Variants in AGBL4 observed in about 807,000 individuals in gnomAD.
AGBL4 encodes the protein AGBL carboxypeptidase 4.
AGBL4 carries 58 observed loss-of-function variants against 66.4 expected under a neutral mutation model. The ratio of observed to expected loss-of-function variants is 0.87; its 90% CI spans 0.71 to 1.09. AGBL4 has a LOEUF of 1.09. Among genes scored for constraint, AGBL4 ranks in the 50% least tolerant of loss-of-function variants. The pLI, the probability that AGBL4 is intolerant of heterozygous loss-of-function variation, is 0.00. For missense variants in AGBL4, 579 were observed against 631.0 expected (o/e 0.92, Z 0.88); for synonymous variants, 234 against 222.9 (o/e 1.05, Z -0.44).
At chr1:49,334,611 G>A (rs563702551) in intron 3 of AGBL4, among the ~76,000 whole-genome samples, 266 of 152,202 alleles carry the variant, frequency 1.7e-3, no homozygotes, top group Non-Finnish European at 3.2e-3. Flanking sequence ...AATGAAGATC[G>A]TATGGTCAGA....
chr1:49,844,766 T>C (rs1193434970), intron 2 of AGBL4: 3 of 1,589,068 alleles, frequency 1.9e-6, no homozygotes, highest in Admixed American at 3.3e-5. Context: ...AACAATGTCA[T>C]CTTGGTAGAA....
chr1:49,169,248 C>G (rs997907705), intron 4 of AGBL4, among the ~76,000 whole-genome samples: 1 of 152,182 alleles, frequency 6.6e-6, no homozygotes, highest in African/African-American at 2.4e-5. Flanking sequence ...TCAGCTGTAG[C>G]ACAGTACTTA....
chr1:49,223,010 C>G (rs1649621460), intron 4 of AGBL4, among the ~76,000 whole-genome samples: 1 of 151,856 alleles, frequency 6.6e-6, no homozygotes, highest in African/African-American at 2.4e-5. Context: ...TGTGGAGAGC[C>G]TTTTAATAGT....
intron 11 of AGBL4, among the ~76,000 whole-genome samples, chr1:48,581,143 A>G (rs775261341): frequency 4.7e-4 from 71 of 152,046 alleles, no homozygotes; most frequent in Admixed American, 9.2e-4. Context: ...GAAAGCAGAG[A>G]CCAAGCTTTT....
At chr1:49,206,487 T>C (rs1279574850) in intron 4 of AGBL4, among the ~76,000 whole-genome samples, 4 of 152,110 alleles carry the variant, frequency 2.6e-5, no homozygotes, top group Non-Finnish European at 5.9e-5. Flanking sequence ...ATAAAAACTG[T>C]CTTTTCAGTT....
At chr1:48,728,104 A>G in intron 6 of AGBL4, 1 of 1,479,052 alleles carries the variant, frequency 6.8e-7, no homozygotes, top group Non-Finnish European at 9.1e-7. Context: ...AAATCTTTTA[A>G]GGAGGGTAAA....
At chr1:48,548,530 A>T (rs1449278587) in intron 11 of AGBL4, among the ~76,000 whole-genome samples, 2 of 151,830 alleles carry the variant, frequency 1.3e-5, no homozygotes, top group African/African-American at 2.4e-5. Context: ...GGTCCTCTTC[A>T]CCTCCCAGAG....
At chr1:49,317,133 G>C (rs1276739713) in intron 3 of AGBL4, among the ~76,000 whole-genome samples, 1 of 151,668 alleles carries the variant, frequency 6.6e-6, no homozygotes, top group African/African-American at 2.4e-5. Flanking sequence ...TGTTAACTTT[G>C]TTTATGTATT....
At chr1:49,052,064 A>C (rs1644225456) in intron 4 of AGBL4, among the ~76,000 whole-genome samples, 1 of 137,582 alleles carries the variant, frequency 7.3e-6, no homozygotes, top group Admixed American at 8.2e-5. Context: ...TTCAGAGTTT[A>C]TATTATATGT....
At chr1:49,308,698 A>G (rs1005965856) in intron 3 of AGBL4, among the ~76,000 whole-genome samples, 1 of 152,108 alleles carries the variant, frequency 6.6e-6, no homozygotes, top group African/African-American at 2.4e-5. Context: ...ACACTTAGGG[A>G]TTAGGGACAA....
intron 3 of AGBL4, among the ~76,000 whole-genome samples, chr1:49,682,786 C>T (rs1293680515): frequency 2.0e-5 from 3 of 152,170 alleles, no homozygotes; most frequent in Admixed American, 1.3e-4. Context: ...TCATTTTTCA[C>T]TGGGCTTCGC....
chr1:49,657,061 C>T lies in AGBL4; in HGVS notation c.282+40252G>A, dbSNP rs550135174. 1.3e-3 allele frequency among the ~76,000 whole-genome samples: 203 copies of T among 152,268 alleles called. 1 individual carries two copies. Among genetic ancestry groups the T allele is most frequent in the Non-Finnish European group, 2.8e-4 (19 of 68,024 alleles). On this transcript the variant is annotated intron_variant, in intron 3 of 13. Coordinates refer to ENST00000371839, the MANE Select transcript of AGBL4 (RefSeq NM_032785.4). ...GTATTCAATTAGGAAAAGAGGAAGTCAAATTGTCCCTCTTTGCAGATGACA... is the reference window on the plus strand; with the variant it reads ...GTATTCAATTAGGAAAAGAGGAAGTTAAATTGTCCCTCTTTGCAGATGACA...
At chr1:49,548,315 T>C (rs1220119320) in intron 3 of AGBL4, among the ~76,000 whole-genome samples, 1 of 152,206 alleles carries the variant, frequency 6.6e-6, no homozygotes, top group African/African-American at 2.4e-5. Context: ...GTCTGATTGC[T>C]CTGGCTAGGA....
At chr1:48,812,323 T>G (rs974737452) in intron 6 of AGBL4, among the ~76,000 whole-genome samples, 1 of 152,170 alleles carries the variant, frequency 6.6e-6, no homozygotes, top group African/African-American at 2.4e-5. Flanking sequence ...AATAGTCATT[T>G]TGGGGCTATG....
intron 6 of AGBL4, among the ~76,000 whole-genome samples, chr1:48,710,756 C>A (rs1382869247): frequency 6.6e-6 from 1 of 152,146 alleles, no homozygotes; most frequent in Non-Finnish European, 1.5e-5. Context: ...ATAGGCCCTG[C>A]GCTGGGAAGA....
chr1:49,622,628 CAAAAAAAAAAAAAAAAAA>C (rs71059557), intron 3 of AGBL4, among the ~76,000 whole-genome samples: 1 of 65,484 alleles, frequency 1.5e-5, no homozygotes, highest in Non-Finnish European at 2.6e-5. Flanking sequence ...GACTCCGTCT[CAAAAAAAAAAAAAAAAAA>C]AAAAAAAAGA....
intron 5 of AGBL4, among the ~76,000 whole-genome samples, chr1:48,888,430 T>C (rs747620973): frequency 6.6e-6 from 1 of 152,138 alleles, no homozygotes; most frequent in Admixed American, 6.5e-5. Context: ...CTCTGCGCCA[T>C]AGCCTGCCCC....
intron 3 of AGBL4, among the ~76,000 whole-genome samples, chr1:49,258,265 G>C (rs947608879): frequency 6.6e-6 from 1 of 152,200 alleles, no homozygotes; most frequent in South Asian, 2.1e-4. Flanking sequence ...TCCTCCAAAG[G>C]AACGCAGTTC....
chr1:49,797,193 T>C (rs1217404511), intron 2 of AGBL4, among the ~76,000 whole-genome samples: 1 of 152,206 alleles, frequency 6.6e-6, no homozygotes, highest in East Asian at 1.9e-4. Flanking sequence ...TAAGAATTAA[T>C]TAAATTTCAA....
Sources: gnomAD v4.1 joint callset for allele counts (sites outside exome capture counted in the v4.1 genomes callset) on GRCh38, gnomAD v4.1.1 for gene constraint, MANE v1.5 for transcripts, NCBI Gene and HGNC (gene_info 2026-07-23, HGNC 2026-07-21) for gene names.